KRABD3: variants seen among roughly 807,000 people sequenced by gnomAD.
KRABD3 encodes the protein KRAB domain containing 3.
At chr7:149,725,470 C>T in the KRABD3 span, 3 of 1,608,586 alleles carry the variant, frequency 1.9e-6, no homozygotes, top group African/African-American at 1.3e-5. Context: ...ACTGCAACCC[C>T]ACAGATCACA....
the KRABD3 span, chr7:149,730,273 C>T: frequency 1.4e-5 from 22 of 1,552,258 alleles, no homozygotes; most frequent in South Asian, 7.1e-5. Flanking sequence ...GGCTCCAGCT[C>T]GAGCTTCAGC....
At chr7:149,721,838 C>T in the KRABD3 span, 1 of 565,020 alleles carries the variant, frequency 1.8e-6, no homozygotes, top group Admixed American at 2.2e-5. Context: ...CGGCCAGCAG[C>T]ATTGACCTAC....
the KRABD3 span, chr7:149,728,631 G>C: frequency 1.2e-6 from 2 of 1,613,666 alleles, no homozygotes; most frequent in Non-Finnish European, 1.7e-6. Flanking sequence ...GCAGACAGGG[G>C]ACCGAGGAGA....
the KRABD3 span, chr7:149,722,611 G>A: frequency 8.3e-6 from 13 of 1,559,372 alleles, no homozygotes; most frequent in Admixed American, 1.1e-4. Flanking sequence ...TAGTTCACAC[G>A]AGGAGGTCAT....
At chr7:149,716,947 C>G in the KRABD3 span, among the ~76,000 whole-genome samples, 2 of 152,050 alleles carry the variant, frequency 1.3e-5, no homozygotes, top group Non-Finnish European at 2.9e-5. Context: ...TCACTGAGGC[C>G]CAAATAGGTT....
chr7:149,731,529 C>A, the KRABD3 span: 1 of 706,858 alleles, frequency 1.4e-6, no homozygotes, highest in Admixed American at 2.4e-5. Context: ...GAATTAGGCT[C>A]CCTCATGGGC....
chr7:149,723,993 A>G, the KRABD3 span: 5 of 1,274,310 alleles, frequency 3.9e-6, no homozygotes, highest in South Asian at 4.2e-5. Flanking sequence ...AGGCCCCCAT[A>G]TTGGCCTGTC....
chr7:149,721,108 C>T, the KRABD3 span: 1 of 1,346,878 alleles, frequency 7.4e-7, no homozygotes, highest in Non-Finnish European at 1.0e-6. Flanking sequence ...GGCAGAGTCA[C>T]CTGCTGTTCC....
chr7:149,728,497 C>T, the KRABD3 span: 2 of 1,610,460 alleles, frequency 1.2e-6, no homozygotes, highest in Non-Finnish European at 8.5e-7. Flanking sequence ...CAGTCCCCCT[C>T]ATCTGTGAAT....
chr7:149,719,483 G>A, the KRABD3 span: 1 of 1,499,290 alleles, frequency 6.7e-7, no homozygotes, highest in Non-Finnish European at 8.9e-7. The surrounding 1 kb of genome is among the most constrained non-coding windows in gnomAD (Gnocchi z 5.6). Context: ...ACCAAGTGCA[G>A]GGACAGCTAG....
At chr7:149,733,603 TA>T in the KRABD3 span, 2 of 1,596,688 alleles carry the variant, frequency 1.3e-6, no homozygotes, top group Non-Finnish European at 1.7e-6. Flanking sequence ...CCACGAGGCC[TA>T]AACCAAAGAT....
At chr7:149,728,496 T>G in the KRABD3 span, 9 of 1,610,182 alleles carry the variant, frequency 5.6e-6, no homozygotes, top group Non-Finnish European at 7.6e-6. Context: ...ACAGTCCCCC[T>G]CATCTGTGAA....
chr7:149,733,861 A>G, the KRABD3 span: 1 of 1,595,328 alleles, frequency 6.3e-7, no homozygotes, highest in Non-Finnish European at 8.5e-7. Context: ...CTGCTGCCTT[A>G]CCCCTGCAGG....
chr7:149,728,713 C>A, the KRABD3 span: 1 of 1,604,272 alleles, frequency 6.2e-7, no homozygotes, highest in Non-Finnish European at 8.5e-7. Flanking sequence ...GTAGACAGGG[C>A]TGCTCTGAGG....
the KRABD3 span, chr7:149,720,247 C>A: frequency 1.7e-6 from 2 of 1,145,510 alleles, no homozygotes; most frequent in Non-Finnish European, 2.5e-6. Flanking sequence ...CTACTGCAAC[C>A]TCCCAAGCTT....
the KRABD3 span, chr7:149,733,643 G>A: frequency 6.3e-7 from 1 of 1,589,942 alleles, no homozygotes; most frequent in Non-Finnish European, 8.6e-7. Context: ...GAGCTGCAGG[G>A]CTGGTGACCT....
chr7:149,721,357 T>C, the KRABD3 span: 1 of 1,565,344 alleles, frequency 6.4e-7, no homozygotes, highest in Non-Finnish European at 8.6e-7. Flanking sequence ...TACCAGTTGT[T>C]GATTCTCCCT....
At chr7:149,726,095 T>G in the KRABD3 span, 4 of 1,579,398 alleles carry the variant, frequency 2.5e-6, no homozygotes, top group Non-Finnish European at 3.4e-6. Context: ...GGGTTCATCC[T>G]GGGAGAGGAC....
At chr7:149,715,024 C>G in the KRABD3 span, 4 of 1,228,828 alleles carry the variant, frequency 3.3e-6, no homozygotes, top group East Asian at 6.3e-5. Flanking sequence ...GCGCCGGAAA[C>G]CGAGGAGTGG....
Sources: allele counts gnomAD v4.1 joint callset (sites outside exome capture counted in the v4.1 genomes callset), GRCh38; gene constraint gnomAD v4.1.1; non-coding constraint Gnocchi (gnomAD v3.1); transcripts MANE v1.5; gene names NCBI Gene and HGNC (gene_info 2026-07-23, HGNC 2026-07-21).